Variants in PCDHGA3 observed in about 807,000 individuals in gnomAD.
The protein encoded by PCDHGA3 is protocadherin gamma subfamily A, 3.
PCDHGA3 carries 40 observed loss-of-function variants against 58.5 expected under a neutral mutation model. The ratio of observed to expected loss-of-function variants is 0.68; its 90% CI spans 0.53 to 0.89. The LOEUF (loss-of-function observed/expected upper bound fraction) is 0.89. Among genes scored for constraint, PCDHGA3 ranks in the 40% least tolerant of loss-of-function variants. The probability of loss-of-function intolerance (pLI) is 0.00; values close to 1 mark genes in which losing one functional copy is unlikely to be tolerated. For synonymous variants in PCDHGA3, 530 were observed against 525.7 expected (o/e 1.01, Z -0.11); for missense variants, 1,223 against 1,195.9 (o/e 1.02, Z -0.33).
intron 2 of PCDHGA3, among the ~76,000 whole-genome samples, chr5:141,500,189 TTTATTTA>T (rs1562193869): frequency 4.5e-5 from 5 of 110,894 alleles, no homozygotes; most frequent in African/African-American, 1.8e-4. Context: ...TTTATTTTTA[TTTATTTA>T]TTTATTTATT....
intron 1 of PCDHGA3, chr5:141,375,208 C>T: frequency 1.2e-6 from 2 of 1,613,958 alleles, no homozygotes; most frequent in Non-Finnish European, 8.5e-7. Flanking sequence ...TCGATCGAGA[C>T]TCTGGCCTGA....
rs778323048 is a variant in PCDHGA3, at chr5:141,357,701, A to G, written c.2424+11244A>G. ...GTAAATGTCTCTCATTTTATATGTA[A>G]TATATCAAATAAAGTTGCCTCTTTT... On this transcript the variant is annotated intron_variant, in intron 1 of 3. Transcript: ENST00000253812. 15 of 1,500,732 alleles carry G rather than the reference A, an allele frequency of 1.0e-5. No homozygotes were observed. The East Asian group carries it at 3.3e-4, about 33-fold the overall frequency. The allele number at this position is 1,500,732 out of a possible 1,614,324, so 93.0% of individuals were successfully genotyped here. A position where few individuals can be genotyped will look rare whatever the true frequency, so the allele number is the denominator to read the frequency against.
intron 1 of PCDHGA3, chr5:141,393,821 G>A: frequency 6.2e-7 from 1 of 1,613,734 alleles, no homozygotes; most frequent in South Asian, 1.1e-5. Context: ...TGCTCATTTC[G>A]GTGGAAGATG....
chr5:141,438,733 C>T (rs2098057443), intron 1 of PCDHGA3, among the ~76,000 whole-genome samples: 1 of 149,042 alleles, frequency 6.7e-6, no homozygotes, highest in Non-Finnish European at 1.5e-5. Context: ...GTGATCTCAG[C>T]TCACTGCAAC....
At chr5:141,361,676 T>C (rs1447277018) in intron 1 of PCDHGA3, 1 of 1,613,624 alleles carries the variant, frequency 6.2e-7, no homozygotes, top group Non-Finnish European at 8.5e-7. Context: ...AGCGGGGTGG[T>C]GTTCGCGCAG....
intron 1 of PCDHGA3, among the ~76,000 whole-genome samples, chr5:141,358,059 G>A (rs1239093738): frequency 6.6e-6 from 1 of 152,188 alleles, no homozygotes; most frequent in Non-Finnish European, 1.5e-5. Context: ...GCGTGGTGGT[G>A]TGTGCCCGTA....
chr5:141,385,200 C>T (rs776177043), intron 1 of PCDHGA3: 3 of 1,614,214 alleles, frequency 1.9e-6, no homozygotes, highest in Non-Finnish European at 1.7e-6. Context: ...GGAAGAGTCA[C>T]CTGATCTTCC....
At chr5:141,401,548 G>T (rs1291544476) in intron 1 of PCDHGA3, among the ~76,000 whole-genome samples, 1 of 152,162 alleles carries the variant, frequency 6.6e-6, no homozygotes, top group Non-Finnish European at 1.5e-5. Context: ...AAAAGGAAAT[G>T]CTATTGCCTG....
At chr5:141,372,551 C>T (rs758593544) in intron 1 of PCDHGA3, 2 of 1,614,030 alleles carry the variant, frequency 1.2e-6, no homozygotes, top group South Asian at 1.1e-5. Flanking sequence ...GATGCTCCTC[C>T]AGACCCGCCA....
intron 1 of PCDHGA3, among the ~76,000 whole-genome samples, chr5:141,438,498 CAT>C (rs2097963931): frequency 6.7e-6 from 1 of 149,704 alleles, no homozygotes; most frequent in African/African-American, 2.5e-5. Context: ...AAAAAAGAAT[CAT>C]AGTGCAAAAC....
chr5:141,351,916 T>C (rs372459324), intron 1 of PCDHGA3: 256 of 1,613,264 alleles, frequency 1.6e-4, no homozygotes, highest in African/African-American at 4.5e-4. Flanking sequence ...GCGACCTCAA[T>C]GACAATGCGC....
chr5:141,441,973 C>A lies in PCDHGA3; in HGVS notation c.2425-52834C>A, dbSNP rs1457832429. The A allele has an allele frequency of 3.7e-5, 11 of 296,542 alleles. No individual in the cohort carries two copies. In the Admixed American group the frequency reaches 4.9e-4, roughly 13 times the overall value. 18.4% of individuals were successfully genotyped at this position (296,542 alleles called of 1,614,324 possible). A position where few individuals can be genotyped will look rare whatever the true frequency, so the allele number is the denominator to read the frequency against. ...GGCCAGCAAGCCCAGGCTCTTCAGC[C>A]TGGAATGCGCACCGACGAGGTGCTG... On this transcript the variant is annotated intron_variant, in intron 1 of 3. Coordinates refer to ENST00000253812, the MANE Select transcript of PCDHGA3 (RefSeq NM_018916.4).
At chr5:141,385,374 T>A in intron 1 of PCDHGA3, 1 of 1,523,876 alleles carries the variant, frequency 6.6e-7, no homozygotes, top group Non-Finnish European at 8.8e-7. Context: ...TGCATGATAT[T>A]TCTCTATTAT....
intron 1 of PCDHGA3, chr5:141,361,920 C>G: frequency 1.2e-6 from 2 of 1,608,060 alleles, no homozygotes; most frequent in Middle Eastern, 4.2e-4. Flanking sequence ...TGGCGGTGGA[C>G]GCAGACTCAG....
chr5:141,483,168 C>A (rs750259590), intron 1 of PCDHGA3, among the ~76,000 whole-genome samples: 3 of 152,104 alleles, frequency 2.0e-5, no homozygotes, highest in Non-Finnish European at 4.4e-5. Context: ...CCTGAGTTAC[C>A]TTTGGGCCAA....
intron 1 of PCDHGA3, among the ~76,000 whole-genome samples, chr5:141,454,195 T>C (rs1295815862): frequency 6.6e-6 from 1 of 152,136 alleles, no homozygotes; most frequent in Admixed American, 6.6e-5. Context: ...TTAGTGAAGG[T>C]GAATTTATTG....
chr5:141,389,488 A>G (rs1405287897), intron 1 of PCDHGA3: 2 of 1,612,912 alleles, frequency 1.2e-6, no homozygotes, highest in Non-Finnish European at 1.7e-6. Flanking sequence ...GCCCGCGACC[A>G]GGGCTCGCCA....
chr5:141,388,789 T>A (rs2091491529), intron 1 of PCDHGA3: 1 of 1,613,948 alleles, frequency 6.2e-7, no homozygotes, highest in Non-Finnish European at 8.5e-7. Context: ...ATTACTGTTT[T>A]AAATACATTA....
At chr5:141,430,931 G>C (rs781580216) in intron 1 of PCDHGA3, 2 of 1,607,530 alleles carry the variant, frequency 1.2e-6, no homozygotes, top group Admixed American at 1.7e-5. Flanking sequence ...GGAGCCCCGG[G>C]AGCTCGCGGA....
Sources: gnomAD v4.1 joint callset for allele counts (sites outside exome capture counted in the v4.1 genomes callset) on GRCh38, gnomAD v4.1.1 for gene constraint, MANE v1.5 for transcripts, NCBI Gene and HGNC (gene_info 2026-07-23, HGNC 2026-07-21) for gene names.